The following PLA2G4A variants were observed in gnomAD, a reference collection of about 807,000 sequenced individuals.
PLA2G4A encodes the protein phospholipase A2 group IVA.
A neutral mutation model predicts 81.9 loss-of-function variants in PLA2G4A; 40 were observed. The observed-to-expected ratio is 0.49, with a 90% CI of 0.38 to 0.64. PLA2G4A has a LOEUF of 0.64. Among genes scored for constraint, PLA2G4A ranks in the 30% least tolerant of loss-of-function variants. PLA2G4A has a pLI of 0.00. For missense variants in PLA2G4A, 715 were observed against 905.1 expected (o/e 0.79, Z 2.69); for synonymous variants, 302 against 296.9 (o/e 1.02, Z -0.18).
At chr1:186,982,743 T>C (rs941952934) in intron 17 of PLA2G4A, among the ~76,000 whole-genome samples, 1 of 151,566 alleles carries the variant, frequency 6.6e-6, no homozygotes, top group African/African-American at 2.4e-5. Context: ...CACTGACATT[T>C]TATCTTGCCT....
chr1:186,840,766 C>T (rs1414186665), intron 1 of PLA2G4A, among the ~76,000 whole-genome samples: 1 of 152,142 alleles, frequency 6.6e-6, no homozygotes, highest in African/African-American at 2.4e-5. Flanking sequence ...TTTCCCTGAA[C>T]TGTTTACCTT....
Position 186,922,939 on chromosome 1 carries a change from T to A in PLA2G4A, c.559-9824T>A, listed in dbSNP as rs190885938. 5.1e-3 allele frequency among the ~76,000 whole-genome samples: 771 copies of A among 152,350 alleles called. 4 individuals carry two copies. The highest frequency in any genetic ancestry group is 7.9e-3 in the Non-Finnish European group (538 of 68,032). On this transcript the variant is annotated intron_variant, in intron 7 of 17. Coordinates refer to ENST00000367466, the MANE Select transcript of PLA2G4A (RefSeq NM_024420.3). ...CAGAATAGGACAGGGATTTTCACAG[T>A]GCTTTTCTATACAATGTCTGTAATC...
Position 186,839,836 on chromosome 1 carries a change from G to T in PLA2G4A, c.-70+10801G>T, listed in dbSNP as rs536249348. ...CTCAAAAATTTTACATGAAACTTTGGAACTATGTTGGAGTACCCCACAGAA... is the reference window on the plus strand; with the variant it reads ...CTCAAAAATTTTACATGAAACTTTGTAACTATGTTGGAGTACCCCACAGAA... On this transcript the variant is annotated intron_variant, in intron 1 of 17. Coordinates refer to ENST00000367466, the MANE Select transcript of PLA2G4A (RefSeq NM_024420.3). Among the ~76,000 whole-genome samples, 59 of 151,998 alleles carry T rather than the reference G, an allele frequency of 3.9e-4. 1 individual carries two copies. In the South Asian group the frequency reaches 0.012, roughly 32 times the overall value.
chr1:186,971,315 A>G (rs373857791), intron 15 of PLA2G4A, among the ~76,000 whole-genome samples: 1 of 151,990 alleles, frequency 6.6e-6, no homozygotes, highest in East Asian at 1.9e-4. Flanking sequence ...TGTGCCTACT[A>G]TAATAAAAAG....
intron 1 of PLA2G4A, among the ~76,000 whole-genome samples, chr1:186,839,934 A>G (rs1477995405): frequency 2.8e-5 from 4 of 140,632 alleles, no homozygotes; most frequent in Non-Finnish European, 6.2e-5. Flanking sequence ...GCAGACTGTC[A>G]TGGCTACATG....
chr1:186,886,879 A>G (rs1653954819), intron 3 of PLA2G4A, among the ~76,000 whole-genome samples: 1 of 152,136 alleles, frequency 6.6e-6, no homozygotes, highest in African/African-American at 2.4e-5. Flanking sequence ...TGTGGGTGTT[A>G]TTATACTCCT....
intron 1 of PLA2G4A, among the ~76,000 whole-genome samples, chr1:186,841,831 T>A (rs1339073676): frequency 6.6e-6 from 1 of 152,200 alleles, no homozygotes; most frequent in Non-Finnish European, 1.5e-5. Flanking sequence ...ATCCTTAAGA[T>A]GGACAGGTTT....
chr1:186,881,991 G>A (rs1234516874), intron 3 of PLA2G4A, among the ~76,000 whole-genome samples: 1 of 152,046 alleles, frequency 6.6e-6, no homozygotes, highest in Non-Finnish European at 1.5e-5. Flanking sequence ...ACAAAAAGAG[G>A]TAGAAGTTAT....
chr1:186,936,822 T>C lies in PLA2G4A; in HGVS notation c.696-2186T>C, dbSNP rs563808070. Among the ~76,000 whole-genome samples the C allele has an allele frequency of 1.4e-4, 22 of 152,094 alleles. No homozygotes were observed. In the East Asian group the frequency reaches 4.2e-3, roughly 29 times the overall value. On this transcript the variant is annotated intron_variant, in intron 8 of 17. Transcript: ENST00000367466. ...GAGGTGTCTTATCATATAAATATGT[T>C]GAAAAATTTGAGGCAAATATTTCCA...
chr1:186,986,421 G>C (rs1420146175), intron 17 of PLA2G4A, among the ~76,000 whole-genome samples: 1 of 152,146 alleles, frequency 6.6e-6, no homozygotes, highest in Non-Finnish European at 1.5e-5. Context: ...CTGTGAGAAG[G>C]AGAAACCAAT....
chr1:186,955,951 A>C (rs1656734321), intron 13 of PLA2G4A, 151 bp from the exon 14 acceptor site: 2 of 647,858 alleles, frequency 3.1e-6, no homozygotes, highest in Admixed American at 4.4e-5. Context: ...CTTGTTGGCC[A>C]GGATGGTCTC....
rs1429398632 is a variant in PLA2G4A at position 186,956,433 on chromosome 1, TACTC to T, written c.1579+91_1579+94del. On this transcript the variant is annotated intron_variant, in intron 14 of 17. Coordinates refer to ENST00000367466, the MANE Select transcript of PLA2G4A (RefSeq NM_024420.3). ...AAGCATTTTAATTATTATTAACACT[TACTC>T]ATTTATTATCAGTTATTACAACCTG... The T allele has an allele frequency of 3.6e-5, 41 of 1,150,342 alleles. 1 individual carries two copies. The South Asian group carries it at 4.4e-4, about 12-fold the overall frequency. The allele number at this position is 1,150,342 out of a possible 1,614,324, so 71.3% of individuals were successfully genotyped here.
chr1:186,952,315 T>C (rs992517635), intron 13 of PLA2G4A, among the ~76,000 whole-genome samples: 2 of 152,206 alleles, frequency 1.3e-5, no homozygotes, highest in African/African-American at 4.8e-5. Flanking sequence ...GCTTTGGTTT[T>C]AGGATCAGCC....
chr1:186,866,875 G>A (rs1046742465), intron 2 of PLA2G4A, among the ~76,000 whole-genome samples: 4 of 151,954 alleles, frequency 2.6e-5, no homozygotes, highest in African/African-American at 9.7e-5. Context: ...TGTATTTCAG[G>A]CCCAGTTATC....
At chr1:186,942,959 C>A (rs1048268070) in intron 10 of PLA2G4A, among the ~76,000 whole-genome samples, 1 of 152,054 alleles carries the variant, frequency 6.6e-6, no homozygotes, top group Admixed American at 6.6e-5. Flanking sequence ...CCAGATAAGA[C>A]ATCTTAAGGT....
intron 7 of PLA2G4A, among the ~76,000 whole-genome samples, chr1:186,913,412 TGTA>T (rs1655032452): frequency 6.6e-6 from 1 of 152,032 alleles, no homozygotes; most frequent in Non-Finnish European, 1.5e-5. Context: ...ATTTCATCTA[TGTA>T]TCCATCAATC....
chr1:186,870,834 G>T, intron 3 of PLA2G4A: 1 of 774,996 alleles, frequency 1.3e-6, no homozygotes, highest in South Asian at 1.5e-5. Context: ...CAGAGGTTCT[G>T]CCTTCTTCAA....
At chr1:186,977,477 C>A in intron 15 of PLA2G4A, 116 bp from the exon 16 acceptor site, 1 of 706,704 alleles carries the variant, frequency 1.4e-6, no homozygotes, top group Non-Finnish European at 2.6e-6. Context: ...TTCATCCTAG[C>A]AAGGAGTACA....
chr1:186,978,137 A>G (rs749752418), intron 16 of PLA2G4A, among the ~76,000 whole-genome samples: 3 of 152,186 alleles, frequency 2.0e-5, no homozygotes, highest in Non-Finnish European at 4.4e-5. Flanking sequence ...AAAATCATGC[A>G]AATTTCTGGG....
Sources: gnomAD v4.1 joint callset for allele counts (sites outside exome capture counted in the v4.1 genomes callset) on GRCh38, gnomAD v4.1.1 for gene constraint, MANE v1.5 for transcripts, NCBI Gene and HGNC (gene_info 2026-07-23, HGNC 2026-07-21) for gene names.